Variants in PLGRKT observed in about 807,000 individuals in gnomAD.
PLGRKT encodes plasminogen receptor with a C-terminal lysine.
PLGRKT carries 22 observed loss-of-function variants against 18.5 expected under a neutral mutation model. The observed-to-expected ratio is 1.19, with a 90% confidence interval of 0.85 to 1.70. The LOEUF (loss-of-function observed/expected upper bound fraction) is 1.70. Ranked by LOEUF, PLGRKT falls within the 40% of genes most tolerant of loss-of-function variation. The pLI, the probability that PLGRKT is intolerant of heterozygous loss-of-function variation, is 0.00. For missense variants in PLGRKT, 235 were observed against 174.4 expected (o/e 1.35, Z -1.96); for synonymous variants, 72 against 52.8 (o/e 1.36, Z -1.58).
At chr9:5,388,146 A>C (rs1230688911) in intron 3 of PLGRKT, among the ~76,000 whole-genome samples, 1 of 151,884 alleles carries the variant, frequency 6.6e-6, no homozygotes, top group Non-Finnish European at 1.5e-5. Context: ...TAGATGGTGA[A>C]AAGAAGACAA....
At chr9:5,391,626 A>G (rs1817951096) in intron 3 of PLGRKT, among the ~76,000 whole-genome samples, 1 of 151,890 alleles carries the variant, frequency 6.6e-6, no homozygotes, top group Non-Finnish European at 1.5e-5. Context: ...TGTCCTCCAG[A>G]GTAAAAGGCA....
chr9:5,385,737 T>C (rs1172848689), intron 3 of PLGRKT, among the ~76,000 whole-genome samples: 1 of 151,732 alleles, frequency 6.6e-6, no homozygotes, highest in Non-Finnish European at 1.5e-5. Context: ...TGTGGTCTAT[T>C]TTTGAGAGGC....
Position 5,367,365 on chromosome 9 carries a change from C to G in PLGRKT, c.82-5477G>C, listed in dbSNP as rs987291430. ...CACTATAGGGCTATAATAACCAAAACAGCATGGTACTAGTACAAAAGCAGA... is the reference window on the plus strand; with the variant it reads ...CACTATAGGGCTATAATAACCAAAAGAGCATGGTACTAGTACAAAAGCAGA... On this transcript the variant is annotated intron_variant, in intron 3 of 5. Transcript: ENST00000223864. Among the ~76,000 whole-genome samples, 10 of 152,110 alleles carry G rather than the reference C, an allele frequency of 6.6e-5. 1 individual carries two copies. The highest frequency in any genetic ancestry group is 6.6e-4 in the Admixed American group (10 of 15,248).
intron 3 of PLGRKT, among the ~76,000 whole-genome samples, chr9:5,385,796 A>G (rs1368281656): frequency 1.3e-5 from 2 of 151,896 alleles, no homozygotes; most frequent in Non-Finnish European, 2.9e-5. Context: ...GAGCAAAGAC[A>G]CTGACAGTGT....
At chr9:5,391,976 G>C (rs913402371) in intron 3 of PLGRKT, among the ~76,000 whole-genome samples, 1 of 151,864 alleles carries the variant, frequency 6.6e-6, no homozygotes, top group African/African-American at 2.4e-5. Context: ...GATGCACAGA[G>C]AGGAGAAGTT....
chr9:5,395,886 C>A (rs1397950103), intron 3 of PLGRKT, among the ~76,000 whole-genome samples: 6 of 125,982 alleles, frequency 4.8e-5, no homozygotes, highest in African/African-American at 3.4e-5. Flanking sequence ...TCTAACCTAA[C>A]AGTTTTTTTT....
At chr9:5,369,385 A>G (rs999171124) in intron 3 of PLGRKT, among the ~76,000 whole-genome samples, 6 of 152,228 alleles carry the variant, frequency 3.9e-5, no homozygotes, top group Non-Finnish European at 7.3e-5. Context: ...CAAAACCACA[A>G]TGAGATACCA....
chr9:5,386,718 C>A (rs1817851417), intron 3 of PLGRKT, among the ~76,000 whole-genome samples: 2 of 151,846 alleles, frequency 1.3e-5, no homozygotes, highest in South Asian at 2.1e-4. Context: ...CTCTTTCCCC[C>A]ACCTCCCATC....
chr9:5,386,068 G>C (rs1009298023), intron 3 of PLGRKT, among the ~76,000 whole-genome samples: 14 of 151,746 alleles, frequency 9.2e-5, no homozygotes, highest in East Asian at 7.7e-4. Context: ...TGGGACCTGA[G>C]GACAAGGAGA....
chr9:5,430,396 A>G (rs1189628607), intron 3 of PLGRKT, among the ~76,000 whole-genome samples: 6 of 152,226 alleles, frequency 3.9e-5, no homozygotes, highest in Non-Finnish European at 7.3e-5. Context: ...CTGCTCTGTT[A>G]CAATAATTCA....
intron 3 of PLGRKT, among the ~76,000 whole-genome samples, chr9:5,374,370 G>C (rs1817587503): frequency 6.6e-6 from 1 of 152,078 alleles, no homozygotes; most frequent in African/African-American, 2.4e-5. Context: ...AAATGATCTG[G>C]TGTTGCTTTC....
intron 3 of PLGRKT, among the ~76,000 whole-genome samples, chr9:5,428,326 G>T (rs1032028011): frequency 6.6e-6 from 1 of 152,176 alleles, no homozygotes; most frequent in African/African-American, 2.4e-5. Context: ...AGGGAAGTAT[G>T]CTGGGGAACT....
chr9:5,430,477 T>C (rs977667918), intron 3 of PLGRKT, among the ~76,000 whole-genome samples: 2 of 152,234 alleles, frequency 1.3e-5, no homozygotes, highest in Non-Finnish European at 1.5e-5. Flanking sequence ...CTCTTGTCAG[T>C]CATTAAAAAC....
intron 3 of PLGRKT, among the ~76,000 whole-genome samples, chr9:5,385,521 T>C (rs966616007): frequency 1.3e-5 from 2 of 151,824 alleles, no homozygotes; most frequent in Admixed American, 6.6e-5. Flanking sequence ...AAGATTCCCC[T>C]GTCTTGTTCT....
At chr9:5,384,150 G>C (rs1156882351) in intron 3 of PLGRKT, among the ~76,000 whole-genome samples, 1 of 152,180 alleles carries the variant, frequency 6.6e-6, no homozygotes, top group Non-Finnish European at 1.5e-5. Flanking sequence ...TATATCCCTA[G>C]GTTAAAGTGA....
chr9:5,392,131 T>G (rs552474181), intron 3 of PLGRKT, among the ~76,000 whole-genome samples: 1 of 152,000 alleles, frequency 6.6e-6, no homozygotes, highest in African/African-American at 2.4e-5. Flanking sequence ...TGCCTTTGGG[T>G]TTTTTTCCAC....
At chr9:5,411,010 T>A (rs529379684) in intron 3 of PLGRKT, among the ~76,000 whole-genome samples, 1 of 152,196 alleles carries the variant, frequency 6.6e-6, no homozygotes, top group Non-Finnish European at 1.5e-5. Flanking sequence ...TCTCTGGTTA[T>A]GTATATAATG....
intron 3 of PLGRKT, among the ~76,000 whole-genome samples, chr9:5,385,613 G>A (rs1054473406): frequency 1.3e-5 from 2 of 151,620 alleles, no homozygotes; most frequent in Non-Finnish European, 2.9e-5. Context: ...TTCAGTACCT[G>A]TGTGTTTTGG....
intron 3 of PLGRKT, among the ~76,000 whole-genome samples, chr9:5,399,584 T>C (rs1818117450): frequency 6.6e-6 from 1 of 151,920 alleles, no homozygotes; most frequent in South Asian, 2.1e-4. Flanking sequence ...TGAATTAATT[T>C]TCAAAGGTTT....
Sources: gnomAD v4.1 joint callset for allele counts (sites outside exome capture counted in the v4.1 genomes callset) on GRCh38, gnomAD v4.1.1 for gene constraint, MANE v1.5 for transcripts, NCBI Gene and HGNC (gene_info 2026-07-23, HGNC 2026-07-21) for gene names.